Variants in TRABD2B observed in about 807,000 individuals in gnomAD.
The protein encoded by TRABD2B is metalloprotease TIKI2.
TRABD2B carries 14 observed loss-of-function variants against 40.1 expected under a neutral mutation model. That is an observed-to-expected ratio of 0.35 (90% confidence interval 0.23 to 0.55). The LOEUF (loss-of-function observed/expected upper bound fraction) is 0.55. Among genes scored for constraint, TRABD2B ranks in the 20% least tolerant of loss-of-function variants. The pLI, the probability that TRABD2B is intolerant of heterozygous loss-of-function variation, is 0.90. For synonymous variants in TRABD2B, 263 were observed against 277.0 expected, an observed-to-expected ratio of 0.95 and a Z score of 0.50; for missense variants, 541 against 648.6, an observed-to-expected ratio of 0.83 and a Z score of 1.80.
intron 2 of TRABD2B, among the ~76,000 whole-genome samples, chr1:47,808,908 G>T (rs1644926360): frequency 6.6e-6 from 1 of 152,080 alleles, no homozygotes; most frequent in South Asian, 2.1e-4. Context: ...AAGGAGAGGG[G>T]GTGTTAGAAC....
chr1:47,782,854 C>T (rs1489320479), intron 4 of TRABD2B, among the ~76,000 whole-genome samples: 3 of 152,166 alleles, frequency 2.0e-5, no homozygotes, highest in African/African-American at 4.8e-5. Context: ...AGGGGCCCCA[C>T]GATGTTGGGG....
chr1:47,997,016 C>G lies in TRABD2B; in HGVS notation c.-227G>C, dbSNP rs1028191868. On this transcript the variant is annotated 5_prime_UTR_variant, in exon 1 of 7. Transcript: ENST00000606738. ...AGACCCTCTAGGGCTGGGCCCCTCCCCCGGGCGCTCAACCTCGCTGGCCGA... is the reference window on the plus strand; with the variant it reads ...AGACCCTCTAGGGCTGGGCCCCTCCGCCGGGCGCTCAACCTCGCTGGCCGA... 7.9e-5 allele frequency: 85 copies of G among 1,071,898 alleles called. No homozygotes were observed. Among genetic ancestry groups the G allele is most frequent in the Non-Finnish European group, 9.5e-5 (84 of 887,150 alleles). 66.4% of individuals were successfully genotyped at this position (1,071,898 alleles called of 1,614,324 possible).
intron 2 of TRABD2B, among the ~76,000 whole-genome samples, chr1:47,946,638 T>A (rs544816845): frequency 1.3e-5 from 2 of 152,222 alleles, no homozygotes; most frequent in African/African-American, 4.8e-5. Flanking sequence ...GAATGACTAA[T>A]AATTTTGTTG....
intron 2 of TRABD2B, among the ~76,000 whole-genome samples, chr1:47,854,528 A>G (rs1280428197): frequency 2.0e-5 from 3 of 152,230 alleles, no homozygotes; most frequent in East Asian, 3.8e-4. Context: ...ATTGCCTGGA[A>G]TAAGTCATAG....
At chr1:47,943,499 T>C (rs1645215564) in intron 2 of TRABD2B, among the ~76,000 whole-genome samples, 1 of 152,080 alleles carries the variant, frequency 6.6e-6, no homozygotes, top group Non-Finnish European at 1.5e-5. Context: ...TCCACAAAGA[T>C]CACAGAAATC....
At chr1:47,792,833 G>C (rs999818284) in intron 4 of TRABD2B, among the ~76,000 whole-genome samples, 3 of 152,014 alleles carry the variant, frequency 2.0e-5, no homozygotes, top group African/African-American at 7.2e-5. Flanking sequence ...CACTCTCTGG[G>C]GGCTCCCCTT....
At chr1:47,873,913 T>A (rs889639024) in intron 2 of TRABD2B, among the ~76,000 whole-genome samples, 2 of 152,204 alleles carry the variant, frequency 1.3e-5, no homozygotes. Context: ...AACACTGGCT[T>A]TCTGTGTAAG....
rs140298067 is a variant in TRABD2B at position 47,801,548 on chromosome 1, G to A, written c.738C>T (p.Tyr246=). 1.4e-3 allele frequency: 2,180 copies of A among 1,536,058 alleles called. 27 individuals carry two copies. The African/African-American group carries it at 0.025, about 17-fold the overall frequency. Residue 246 remains tyrosine (Y), a synonymous_variant, in exon 3 of 7, where the codon TAC becomes TAT. Coordinates refer to ENST00000606738, the MANE Select transcript of TRABD2B (RefSeq NM_001194986.2). ...SVRAGSLQAS[Y]TTEDLIKHYN... ...AGTGCTTGATGAGGTCCTCCGTGGTGTAGGAGGCCTGCAGGCTCCCGGCCC... is the reference window on the plus strand; with the variant it reads ...AGTGCTTGATGAGGTCCTCCGTGGTATAGGAGGCCTGCAGGCTCCCGGCCC...
At chr1:47,873,730 A>C (rs973082804) in intron 2 of TRABD2B, among the ~76,000 whole-genome samples, 3 of 152,176 alleles carry the variant, frequency 2.0e-5, no homozygotes, top group African/African-American at 7.2e-5. Flanking sequence ...GACCACACCA[A>C]GAATCTATTG....
At chr1:47,872,315 T>A (rs1243131200) in intron 2 of TRABD2B, among the ~76,000 whole-genome samples, 1 of 152,198 alleles carries the variant, frequency 6.6e-6, no homozygotes, top group Non-Finnish European at 1.5e-5. Context: ...TGGTTTCAGA[T>A]GACCTTGAGC....
chr1:47,892,372 G>C (rs1055484880), intron 2 of TRABD2B, among the ~76,000 whole-genome samples: 2 of 152,234 alleles, frequency 1.3e-5, no homozygotes, highest in Non-Finnish European at 2.9e-5. Context: ...GAACCCATGA[G>C]GGGGAGAATC....
At chr1:47,801,230 G>A (rs182428665) in intron 3 of TRABD2B, among the ~76,000 whole-genome samples, 1 of 152,296 alleles carries the variant, frequency 6.6e-6, no homozygotes, top group Non-Finnish European at 1.5e-5. Flanking sequence ...CAGAGTCCTA[G>A]GCCCCAGAGC....
At chr1:47,951,731 C>G (rs1369837509) in intron 2 of TRABD2B, among the ~76,000 whole-genome samples, 1 of 152,176 alleles carries the variant, frequency 6.6e-6, no homozygotes, top group East Asian at 1.9e-4. Context: ...GACCCCTCAC[C>G]TTGGTCCAGA....
In TRABD2B at chr1:47,952,226, C is replaced by T. The variant is rs572692610; in HGVS notation, c.666+41808G>A. Among the ~76,000 whole-genome samples the T allele has an allele frequency of 3.3e-5, 5 of 152,328 alleles. No individual in the cohort carries two copies. In the East Asian group the frequency reaches 9.7e-4, roughly 29 times the overall value. On this transcript the variant is annotated intron_variant, in intron 2 of 6. Transcript: ENST00000606738. ...CCATCCTGCCCCTGGTTCTTTGCTC[C>T]TGTTGAGCTCCTATCCTGCTTTCCT... is the stretch of plus-strand genomic sequence containing the variant.
intron 2 of TRABD2B, among the ~76,000 whole-genome samples, chr1:47,981,018 T>C (rs1159716151): frequency 1.3e-5 from 2 of 152,056 alleles, no homozygotes; most frequent in East Asian, 3.9e-4. Flanking sequence ...TTTTTTCTTT[T>C]CTTTTTTTTT....
At chr1:47,982,359 G>A (rs1287506332) in intron 2 of TRABD2B, among the ~76,000 whole-genome samples, 1 of 152,202 alleles carries the variant, frequency 6.6e-6, no homozygotes, top group African/African-American at 2.4e-5. Flanking sequence ...CCACTCAGCT[G>A]TGTGGTTTAT....
chr1:47,914,658 T>C (rs1469014649), intron 2 of TRABD2B, among the ~76,000 whole-genome samples: 2 of 152,214 alleles, frequency 1.3e-5, no homozygotes, highest in Non-Finnish European at 1.5e-5. Context: ...TTTCCCTCCA[T>C]TGCCAAATCT....
At chr1:47,780,324 G>A (rs1644503508) in intron 4 of TRABD2B, among the ~76,000 whole-genome samples, 1 of 152,246 alleles carries the variant, frequency 6.6e-6, no homozygotes, top group African/African-American at 2.4e-5. Flanking sequence ...GGCTCTTCTG[G>A]CTCTCAGAGC....
At chr1:47,815,165 C>A (rs573982520) in intron 2 of TRABD2B, among the ~76,000 whole-genome samples, 1 of 152,314 alleles carries the variant, frequency 6.6e-6, no homozygotes, top group East Asian at 1.9e-4. Flanking sequence ...TGTTTTTAGA[C>A]CCAAGGCAAA....
Sources: gnomAD v4.1 joint callset for allele counts (sites outside exome capture counted in the v4.1 genomes callset) on GRCh38, gnomAD v4.1.1 for gene constraint, MANE v1.5 for transcripts, NCBI Gene and HGNC (gene_info 2026-07-23, HGNC 2026-07-21) for gene names.